HEATR5A: variants seen among roughly 807,000 people sequenced by gnomAD.
HEATR5A encodes the protein HEAT repeat containing 5A.
HEATR5A carries 178 observed loss-of-function variants against 218.8 expected under a neutral mutation model. The observed-to-expected ratio is 0.81, with a 90% confidence interval of 0.72 to 0.92. The LOEUF (loss-of-function observed/expected upper bound fraction) is 0.92, where lower values mean the gene tolerates loss of function less well. Ranked by LOEUF, HEATR5A falls within the 40% of genes least tolerant of loss-of-function variation. The pLI, the probability that HEATR5A is intolerant of heterozygous loss-of-function variation, is 0.00. For missense variants in HEATR5A, 2,420 were observed against 2,418.9 expected (o/e 1.00, Z -0.01); for synonymous variants, 864 against 871.6 (o/e 0.99, Z 0.15).
At position 31,360,330 on chromosome 14, in the gene HEATR5A, C is replaced by T. The variant is rs114926026; in HGVS notation, c.2072-1273G>A. Among the ~76,000 whole-genome samples, 1,505 of 152,020 alleles carry T rather than the reference C, an allele frequency of 9.9e-3. 18 individuals carry two copies. The highest frequency in any genetic ancestry group is 0.034 in the African/African-American group (1,429 of 41,452). ...GGCCCCTGGTATAGCTTAATTTGTT[C>T]TTCTATCTGTACTTTTTAAAAAAAA... On this transcript the variant is annotated intron_variant, in intron 14 of 35. Transcript: ENST00000543095.
intron 1 of HEATR5A, among the ~76,000 whole-genome samples, chr14:31,413,516 T>C: frequency 6.6e-6 from 1 of 151,694 alleles, no homozygotes; most frequent in Non-Finnish European, 1.5e-5. Flanking sequence ...GTAGCAATTC[T>C]CCTTCCAGAT....
At position 31,293,789 on chromosome 14, in the gene HEATR5A, T is replaced by G. The variant is rs1302263575; in HGVS notation, c.5833+102A>C. The G allele has an allele frequency of 1.1e-5, 12 of 1,079,400 alleles. No homozygotes were observed. In the East Asian group the frequency reaches 3.1e-4, roughly 28 times the overall value. The allele number at this position is 1,079,400 out of a possible 1,614,324, so 66.9% of individuals were successfully genotyped here. A position where few individuals can be genotyped will look rare whatever the true frequency, so the allele number is the denominator to read the frequency against. On this transcript the variant is annotated intron_variant, in intron 35 of 35. Coordinates refer to ENST00000543095, the MANE Select transcript of HEATR5A (RefSeq NM_015473.4). ...GATTAACATAACACCTTTCAATGAA[T>G]GTGAAATACAGATATAATGTGACTG...
chr14:31,334,978 G>A (rs112152660), intron 22 of HEATR5A, among the ~76,000 whole-genome samples: 72 of 145,376 alleles, frequency 5.0e-4, no homozygotes, highest in African/African-American at 1.7e-3. Flanking sequence ...AAAAGAAATC[G>A]CCACAGCCAC....
Position 31,387,495 on chromosome 14 carries a change from A to G in HEATR5A, c.934-120T>C. 20 of 784,136 alleles carry G rather than the reference A, an allele frequency of 2.6e-5. No individual in the cohort carries two copies. In the South Asian group the frequency reaches 3.8e-4, roughly 15 times the overall value. 48.6% of individuals were successfully genotyped at this position (784,136 alleles called of 1,614,324 possible). ...TTCCTTATAAATTGTATTCTTTCCT[A>G]ATTTATGCCACTTGAAATATACAAA... On this transcript the variant is annotated intron_variant, in intron 7 of 35. Transcript: ENST00000543095.
At chr14:31,307,860 G>A in intron 30 of HEATR5A, 33 bp downstream of exon 30, 2 of 1,601,440 alleles carry the variant, frequency 1.2e-6, no homozygotes, top group South Asian at 1.1e-5. Context: ...AAAGACTACA[G>A]AAGCCTTACA....
At chr14:31,408,588 A>T (rs1283004418) in intron 1 of HEATR5A, among the ~76,000 whole-genome samples, 2 of 152,086 alleles carry the variant, frequency 1.3e-5, no homozygotes, top group Non-Finnish European at 2.9e-5. Context: ...AGGTGAAAAA[A>T]AAGGCTGGCT....
At chr14:31,349,502 T>C (rs916649849) in intron 18 of HEATR5A, among the ~76,000 whole-genome samples, 9 of 152,224 alleles carry the variant, frequency 5.9e-5, no homozygotes, top group African/African-American at 2.2e-4. Flanking sequence ...TAAAACTGTA[T>C]AAATATTTCA....
chr14:31,300,841 A>G lies in HEATR5A; in HGVS notation c.5464+1454T>C, dbSNP rs537066049. ...ACTCCCTCTTGGTGAGTACTTTTAG[A>G]GAATCCTACTTGTGACACTCTGCCT... is the stretch of plus-strand genomic sequence containing the variant. On this transcript the variant is annotated intron_variant, in intron 33 of 35. Coordinates refer to ENST00000543095, the MANE Select transcript of HEATR5A (RefSeq NM_015473.4). Among the ~76,000 whole-genome samples the G allele has an allele frequency of 2.8e-4, 43 of 152,310 alleles. 1 individual carries two copies. Among genetic ancestry groups the G allele is most frequent in the Middle Eastern group, 3.4e-3 (1 of 294 alleles).
chr14:31,320,339 C>G (rs1900051216), intron 25 of HEATR5A: 1 of 826,614 alleles, frequency 1.2e-6, no homozygotes, highest in Admixed American at 1.7e-5. Flanking sequence ...AGACAGCTTC[C>G]TGGCATAGAC....
At position 31,326,094 on chromosome 14, in the gene HEATR5A, G is replaced by A. The variant is rs1308237213; in HGVS notation, c.3547+69C>T. On this transcript the variant is annotated intron_variant, in intron 23 of 35. Transcript: ENST00000543095. ...TAGACAAGACTGATGAATTCTCAGT[G>A]GTAAACAATTTTATGTAAAGTTTCA... is the stretch of plus-strand genomic sequence containing the variant. 3 of 1,228,446 alleles carry A rather than the reference G, an allele frequency of 2.4e-6. No homozygotes were observed. In the African/African-American group the frequency reaches 4.5e-5, roughly 18 times the overall value. The allele number at this position is 1,228,446 out of a possible 1,614,324, so 76.1% of individuals were successfully genotyped here. A position where few individuals can be genotyped will look rare whatever the true frequency, so the allele number is the denominator to read the frequency against.
chr14:31,361,561 T>G (rs1028405632), intron 14 of HEATR5A, among the ~76,000 whole-genome samples: 2 of 152,218 alleles, frequency 1.3e-5, no homozygotes, highest in African/African-American at 4.8e-5. Context: ...TGCTTCTCAG[T>G]TGAAAGTGAT....
rs778780207 is a variant in HEATR5A, at chr14:31,294,081, G to C, written c.5643C>G (p.Leu1881=). ...TTGGATACTGAAAGATGGAATGTAG[G>C]AGCTGGTAGGTCTTGATTTGTACCT... The part of the protein sequence containing the change: ...DPVVQIKTYQ[L]LHSIFQYPNP... The change falls in exon 35 of 36, where the codon CTC becomes CTG. Residue 1881 remains leucine (L), a synonymous_variant. Transcript: ENST00000543095. The C allele has an allele frequency of 3.1e-6, 5 of 1,593,390 alleles. No individual in the cohort carries two copies. The South Asian group carries it at 5.7e-5, about 18-fold the overall frequency.
intron 28 of HEATR5A, 108 bp downstream of exon 28, chr14:31,312,860 G>T: frequency 2.2e-5 from 20 of 908,804 alleles, no homozygotes; most frequent in South Asian, 3.5e-5. Flanking sequence ...ATTGCACCAT[G>T]GCACTCCAGC....
intron 19 of HEATR5A, among the ~76,000 whole-genome samples, chr14:31,346,911 T>C (rs1901041040): frequency 6.6e-6 from 1 of 152,182 alleles, no homozygotes; most frequent in African/African-American, 2.4e-5. Context: ...AGGAGAATGA[T>C]GATTTTACTG....
intron 28 of HEATR5A, among the ~76,000 whole-genome samples, chr14:31,311,534 TCTGAGTAG>T (rs1205546960): frequency 1.3e-5 from 2 of 151,970 alleles, no homozygotes; most frequent in Non-Finnish European, 2.9e-5. Context: ...ACATCAGCCT[TCTGAGTAG>T]CTGGGACTAT....
intron 16 of HEATR5A, among the ~76,000 whole-genome samples, chr14:31,351,076 T>C (rs1195529510): frequency 6.6e-6 from 1 of 152,120 alleles, no homozygotes; most frequent in Non-Finnish European, 1.5e-5. Flanking sequence ...CCACTGCCCC[T>C]GGCCTCTCAA....
chr14:31,413,166 G>A (rs2031338028), intron 1 of HEATR5A, among the ~76,000 whole-genome samples: 1 of 152,126 alleles, frequency 6.6e-6, no homozygotes, highest in Non-Finnish European at 1.5e-5. Context: ...CGGGAAGAAT[G>A]TTGCCGCTCA....
At chr14:31,331,816 C>T (rs1900482696) in intron 22 of HEATR5A, among the ~76,000 whole-genome samples, 1 of 152,140 alleles carries the variant, frequency 6.6e-6, no homozygotes. Context: ...GGGGCAAGAG[C>T]CCCTTATGAA....
At chr14:31,354,031 C>A (rs913157560) in intron 16 of HEATR5A, among the ~76,000 whole-genome samples, 7 of 151,942 alleles carry the variant, frequency 4.6e-5, no homozygotes, top group Non-Finnish European at 8.8e-5. Context: ...GATCTCTTGG[C>A]CTCGTGATCC....
Sources: allele counts gnomAD v4.1 joint callset (sites outside exome capture counted in the v4.1 genomes callset), GRCh38; gene constraint gnomAD v4.1.1; transcripts MANE v1.5; gene names NCBI Gene and HGNC (gene_info 2026-07-23, HGNC 2026-07-21).